Variants in TMX3 observed in about 807,000 individuals in gnomAD.
TMX3 encodes protein disulfide-isomerase TMX3.
Under a neutral mutation model 64.4 loss-of-function variants are expected in TMX3, and 40 were observed. The ratio of observed to expected loss-of-function variants is 0.62; its 90% CI spans 0.48 to 0.81. The LOEUF (loss-of-function observed/expected upper bound fraction) is 0.81. Ranked by LOEUF, TMX3 falls within the 30% of genes least tolerant of loss-of-function variation. The pLI is 0.00. For missense variants in TMX3, 497 were observed against 534.5 expected, an observed-to-expected ratio of 0.93 and a Z score of 0.69; for synonymous variants, 189 against 175.7, an observed-to-expected ratio of 1.08 and a Z score of -0.60.
intron 4 of TMX3, among the ~76,000 whole-genome samples, chr18:68,704,625 C>T (rs2030481660): frequency 6.6e-6 from 1 of 152,102 alleles, no homozygotes; most frequent in Admixed American, 6.5e-5. Context: ...TTATTCTTTA[C>T]TTTTTCATAT....
At chr18:68,699,727 C>T (rs1206985459) in intron 6 of TMX3, among the ~76,000 whole-genome samples, 5 of 152,054 alleles carry the variant, frequency 3.3e-5, no homozygotes, top group South Asian at 2.1e-4. Flanking sequence ...TTATAAGCAC[C>T]GACTTTCTTT....
intron 8 of TMX3, among the ~76,000 whole-genome samples, chr18:68,694,645 G>A (rs1391908595): frequency 1.3e-5 from 2 of 152,176 alleles, no homozygotes; most frequent in Admixed American, 1.3e-4. Flanking sequence ...AGTGGCCACA[G>A]AGGTTTCTGG....
At position 68,682,708 on chromosome 18, in the gene TMX3, A is replaced by T. The variant is rs555657484; in HGVS notation, c.905+217T>A. ...CTAGAAAACATTAAATCAGGAGATAATTTTTTTTTTTTTTTACTATAGACC... is the reference window on the plus strand; with the variant it reads ...CTAGAAAACATTAAATCAGGAGATATTTTTTTTTTTTTTTTACTATAGACC... On this transcript the variant is annotated intron_variant, in intron 13 of 15. Transcript: ENST00000299608. Among the ~76,000 whole-genome samples the T allele has an allele frequency of 8.4e-3, 1,212 of 143,498 alleles. 7 individuals carry two copies. Among genetic ancestry groups the T allele is most frequent in the Middle Eastern group, 0.023 (6 of 264 alleles). 94.1% of individuals were successfully genotyped at this position (143,498 alleles called of 152,430 possible). A position where few individuals can be genotyped will look rare whatever the true frequency, so the allele number is the denominator to read the frequency against.
intron 10 of TMX3, among the ~76,000 whole-genome samples, chr18:68,685,832 T>C (rs1013275668): frequency 3.9e-5 from 6 of 152,228 alleles, no homozygotes; most frequent in East Asian, 1.9e-4. Flanking sequence ...CAGTGAAGAT[T>C]TTCCTAAGGA....
intron 13 of TMX3, among the ~76,000 whole-genome samples, chr18:68,682,396 T>C (rs544822904): frequency 9.8e-5 from 15 of 152,288 alleles, no homozygotes; most frequent in Admixed American, 4.6e-4. Context: ...AAACTACATA[T>C]TTTCCTACAA....
chr18:68,705,035 T>C (rs1019035305), intron 4 of TMX3, among the ~76,000 whole-genome samples: 1 of 152,234 alleles, frequency 6.6e-6, no homozygotes, highest in Admixed American at 6.5e-5. Flanking sequence ...AATGTCACTA[T>C]GTGTCTAACA....
In TMX3 at chr18:68,675,844, AGAAGGTAACTGGCTGATC is replaced by A; in HGVS notation, c.*1071_*1088del. ...ATGGGTGACAGAACTAAGACAATGG[AGAAGGTAACTGGCTGATC>A]TCTTTTTTTTACACCGGATGTGACT... On this transcript the variant is annotated 3_prime_UTR_variant, in exon 16 of 16. Coordinates refer to ENST00000299608, the MANE Select transcript of TMX3 (RefSeq NM_019022.5). 1 of 152,294 alleles carries A rather than the reference AGAAGGTAACTGGCTGATC, an allele frequency of 6.6e-6. No homozygotes were observed. The highest frequency in any genetic ancestry group is 6.5e-5 in the Admixed American group (1 of 15,282). The allele number at this position is 152,294 out of a possible 1,614,324, so 9.4% of individuals were successfully genotyped here.
Position 68,674,743 on chromosome 18 carries a change from A to G in TMX3, c.*2190T>C, listed in dbSNP as rs1278305552. The G allele has an allele frequency of 3.3e-5, 5 of 152,154 alleles. No individual in the cohort carries two copies. Among genetic ancestry groups the G allele is most frequent in the Admixed American group, 6.5e-5 (1 of 15,276 alleles). 9.4% of individuals were successfully genotyped at this position (152,154 alleles called of 1,614,324 possible). On this transcript the variant is annotated 3_prime_UTR_variant, in exon 16 of 16. Coordinates refer to ENST00000299608, the MANE Select transcript of TMX3 (RefSeq NM_019022.5). ...AACATCTCCCAAAGTAGAGAAAAAA[A>G]CAAAATTTTAATACAAGAAGAAATA...
intron 6 of TMX3, among the ~76,000 whole-genome samples, chr18:68,698,890 C>CGGGCGCGGTAGT (rs1244929837): frequency 1.3e-5 from 2 of 151,328 alleles, no homozygotes; most frequent in South Asian, 4.2e-4. Flanking sequence ...GGCGTGGTAG[C>CGGGCGCGGTAGT]GGGCGCCTGT....
rs544480168 is a variant in TMX3 at position 68,673,918 on chromosome 18, A to T, written c.*3015T>A. On this transcript the variant is annotated 3_prime_UTR_variant, in exon 16 of 16. Coordinates refer to ENST00000299608, the MANE Select transcript of TMX3 (RefSeq NM_019022.5). ...CTAATCCCACCAATTGATAGTCTTA[A>T]TATCCTACACTGGTTTATTTGATCA... 1.6e-3 allele frequency: 240 copies of T among 152,304 alleles called. 2 individuals are homozygous for T. The highest frequency in any genetic ancestry group is 5.6e-3 in the African/African-American group (232 of 41,574). 9.4% of individuals were successfully genotyped at this position (152,304 alleles called of 1,614,324 possible).
At chr18:68,683,228 T>C (rs1272239346) in intron 12 of TMX3, among the ~76,000 whole-genome samples, 4 of 152,072 alleles carry the variant, frequency 2.6e-5, no homozygotes, top group Non-Finnish European at 5.9e-5. Flanking sequence ...CATTTCTACT[T>C]GGTTTATGCA....
chr18:68,696,306 T>C (rs1915065740), intron 8 of TMX3, among the ~76,000 whole-genome samples: 1 of 152,138 alleles, frequency 6.6e-6, no homozygotes, highest in South Asian at 2.1e-4. Context: ...CCTGAGTAGC[T>C]GGGATTACAG....
chr18:68,678,920 A>T (rs1308896980), intron 15 of TMX3, among the ~76,000 whole-genome samples: 2 of 152,042 alleles, frequency 1.3e-5, no homozygotes, highest in Non-Finnish European at 2.9e-5. Flanking sequence ...AAAAGAAAAA[A>T]AAAAGGAAGG....
Position 68,678,019 on chromosome 18 carries a change from G to C in TMX3, c.1105-826C>G, listed in dbSNP as rs144092859. 6.5e-3 allele frequency among the ~76,000 whole-genome samples: 991 copies of C among 152,194 alleles called. 12 individuals are homozygous for C. The highest frequency in any genetic ancestry group is 0.023 in the African/African-American group (942 of 41,518). ...TTCTGATGTCCCTGGAAAAGGGAAG[G>C]AAAGTGATCAAAATCGATTATTTTA... On this transcript the variant is annotated intron_variant, in intron 15 of 15. Transcript: ENST00000299608.
intron 10 of TMX3, chr18:68,686,959 C>T (rs957638866): frequency 1.0e-6 from 1 of 983,112 alleles, no homozygotes; most frequent in East Asian, 1.1e-4. Context: ...AGAGGAAACC[C>T]TATGCCTATT....
chr18:68,712,522 A>G (rs1407059032), intron 2 of TMX3, among the ~76,000 whole-genome samples: 1 of 152,096 alleles, frequency 6.6e-6, no homozygotes, highest in Admixed American at 6.5e-5. Flanking sequence ...TTCATTTTCC[A>G]CATTTAGCTG....
At chr18:68,705,976 T>C (rs1438947002) in intron 4 of TMX3, among the ~76,000 whole-genome samples, 3 of 152,202 alleles carry the variant, frequency 2.0e-5, no homozygotes, top group Non-Finnish European at 4.4e-5. Context: ...CTTGATCACT[T>C]TGAATAGTCT....
chr18:68,713,766 T>C, intron 2 of TMX3, 80 bp downstream of exon 2: 1 of 723,042 alleles, frequency 1.4e-6, no homozygotes, highest in Non-Finnish European at 2.0e-6. Context: ...CAATCTAAAA[T>C]ATTAGAATCA....
chr18:68,684,379 T>C lies in TMX3; in HGVS notation c.794+49A>G, dbSNP rs191238684. Reference sequence around the variant, plus strand: ...CATATCAAGTCTATCTAAAGCCATATAGTCTGAAATGAACATTTGAAGCTT... The same window carrying C: ...CATATCAAGTCTATCTAAAGCCATACAGTCTGAAATGAACATTTGAAGCTT... On this transcript the variant is annotated intron_variant, in intron 11 of 15. Transcript: ENST00000299608. 2.2e-4 allele frequency: 340 copies of C among 1,560,152 alleles called. 1 individual carries two copies. The African/African-American group carries it at 4.2e-3, about 19-fold the overall frequency.
Sources: allele counts gnomAD v4.1 joint callset (sites outside exome capture counted in the v4.1 genomes callset), GRCh38; gene constraint gnomAD v4.1.1; transcripts MANE v1.5; gene names NCBI Gene and HGNC (gene_info 2026-07-23, HGNC 2026-07-21).